The following XYLT1 variants were observed in gnomAD, a reference collection of about 807,000 sequenced individuals.
XYLT1 encodes the protein beta-D-xylosyltransferase 1.
A neutral mutation model predicts 91.3 loss-of-function variants in XYLT1; 36 were observed. That is an observed-to-expected ratio of 0.39 (90% CI 0.30 to 0.52). The LOEUF (loss-of-function observed/expected upper bound fraction) is 0.52, where lower values mean the gene tolerates loss of function less well. Ranked by LOEUF, XYLT1 falls within the 20% of genes least tolerant of loss-of-function variation. The pLI is 0.68. For synonymous variants in XYLT1, 588 were observed against 532.0 expected, an observed-to-expected ratio of 1.11 and a Z score of -1.45; for missense variants, 1,242 against 1,284.5, an observed-to-expected ratio of 0.97 and a Z score of 0.51.
chr16:17,161,160 CA>C (rs2031540832), intron 5 of XYLT1, among the ~76,000 whole-genome samples: 1 of 152,208 alleles, frequency 6.6e-6, no homozygotes, highest in African/African-American at 2.4e-5. Flanking sequence ...AAGCGCCTTT[CA>C]GGGCTGTGAG....
At chr16:17,338,662 C>T (rs2035024163) in intron 2 of XYLT1, 1 of 370,292 alleles carries the variant, frequency 2.7e-6, no homozygotes. Flanking sequence ...CTCTGTTGCC[C>T]AGGCTGGAGT....
chr16:17,313,475 G>A (rs2034581740), intron 2 of XYLT1, among the ~76,000 whole-genome samples: 3 of 152,184 alleles, frequency 2.0e-5, no homozygotes, highest in African/African-American at 4.8e-5. Flanking sequence ...TCCTTGGAAG[G>A]GAATGTTCCC....
intron 3 of XYLT1, among the ~76,000 whole-genome samples, chr16:17,209,682 C>G (rs2032722901): frequency 6.6e-6 from 1 of 152,176 alleles, no homozygotes; most frequent in Admixed American, 6.5e-5. Flanking sequence ...CCTCAGTTTC[C>G]TCATCTGTCA....
At chr16:17,406,320 T>G (rs777557467) in intron 1 of XYLT1, among the ~76,000 whole-genome samples, 1 of 152,232 alleles carries the variant, frequency 6.6e-6, no homozygotes. Flanking sequence ...ACCACCTGCA[T>G]GTAGCTTGTT....
chr16:17,110,749 G>A (rs1248242256), intron 11 of XYLT1, among the ~76,000 whole-genome samples: 3 of 152,102 alleles, frequency 2.0e-5, no homozygotes, highest in African/African-American at 7.2e-5. Flanking sequence ...TGGAGTTAGA[G>A]ACAGATCTGG....
intron 3 of XYLT1, among the ~76,000 whole-genome samples, chr16:17,214,372 T>A (rs1356628503): frequency 6.6e-6 from 1 of 152,210 alleles, no homozygotes; most frequent in Non-Finnish European, 1.5e-5. Context: ...AAAATAGGGA[T>A]ACATATTGAC....
At chr16:17,185,063 C>T (rs987414226) in intron 5 of XYLT1, among the ~76,000 whole-genome samples, 7 of 152,098 alleles carry the variant, frequency 4.6e-5, no homozygotes, top group Admixed American at 2.0e-4. Flanking sequence ...ATGAGATCTC[C>T]GAGAACTCTA....
In XYLT1 at chr16:17,365,601, T is replaced by C. The variant is rs574713668; in HGVS notation, c.364-7551A>G. Among the ~76,000 whole-genome samples the C allele has an allele frequency of 4.5e-4, 69 of 152,274 alleles. 2 individuals are homozygous for C. The South Asian group carries it at 0.013, about 29-fold the overall frequency. On this transcript the variant is annotated intron_variant, in intron 1 of 11. Transcript: ENST00000261381. ...CGTTGGCAGTTAAAACTGGGTGTAT[T>C]GCGCGCTCTCTTTCTCTCTTTTGTA... is the stretch of plus-strand genomic sequence containing the variant.
intron 3 of XYLT1, among the ~76,000 whole-genome samples, chr16:17,205,609 T>C (rs1483183087): frequency 6.6e-6 from 1 of 152,176 alleles, no homozygotes; most frequent in Admixed American, 6.5e-5. Flanking sequence ...GTCATAGCCA[T>C]CATTTCTATG....
chr16:17,430,365 C>T (rs573595650), intron 1 of XYLT1, among the ~76,000 whole-genome samples: 1 of 152,286 alleles, frequency 6.6e-6, no homozygotes, highest in East Asian at 1.9e-4. Flanking sequence ...GTAAGTATAA[C>T]ACAAAATATC....
intron 1 of XYLT1, among the ~76,000 whole-genome samples, chr16:17,450,749 C>CCAGCA (rs1335119358): frequency 2.0e-5 from 3 of 152,170 alleles, no homozygotes; most frequent in Non-Finnish European, 2.9e-5. Context: ...CTAAGACATT[C>CCAGCA]CAGCACAGCA....
At chr16:17,346,358 C>G (rs917365833) in intron 2 of XYLT1, among the ~76,000 whole-genome samples, 1 of 152,088 alleles carries the variant, frequency 6.6e-6, no homozygotes, top group East Asian at 1.9e-4. Flanking sequence ...ACAAACAATA[C>G]CCAGGGGACT....
intron 5 of XYLT1, among the ~76,000 whole-genome samples, chr16:17,162,866 C>T (rs758657652): frequency 6.6e-5 from 10 of 152,226 alleles, no homozygotes; most frequent in Non-Finnish European, 1.5e-4. Flanking sequence ...TGCTTTCCAT[C>T]TTTATCTGCT....
chr16:17,131,414 T>TA (rs1279777665), intron 9 of XYLT1, among the ~76,000 whole-genome samples: 1 of 152,068 alleles, frequency 6.6e-6, no homozygotes, highest in East Asian at 1.9e-4. Context: ...CGATGAGCAC[T>TA]AAAAAAAATT....
intron 5 of XYLT1, among the ~76,000 whole-genome samples, chr16:17,182,239 G>C (rs908542904): frequency 1.3e-5 from 2 of 152,116 alleles, no homozygotes; most frequent in Non-Finnish European, 2.9e-5. Context: ...TAACTGGGTG[G>C]GTTAAACAAT....
chr16:17,268,201 T>C (rs929227362), intron 2 of XYLT1, among the ~76,000 whole-genome samples: 9 of 152,196 alleles, frequency 5.9e-5, no homozygotes, highest in Non-Finnish European at 2.9e-5. Context: ...TATCTTCTAT[T>C]AAGCCAGGTG....
chr16:17,304,326 G>T (rs2034441439), intron 2 of XYLT1, among the ~76,000 whole-genome samples: 1 of 152,156 alleles, frequency 6.6e-6, no homozygotes, highest in African/African-American at 2.4e-5. Flanking sequence ...ACAGGTAAGG[G>T]CAGGTGCAAA....
At chr16:17,432,534 C>T (rs1041932392) in intron 1 of XYLT1, among the ~76,000 whole-genome samples, 6 of 152,030 alleles carry the variant, frequency 3.9e-5, no homozygotes, top group African/African-American at 9.7e-5. Flanking sequence ...AAATGGACTC[C>T]GATTGGCATA....
Position 17,138,259 on chromosome 16 carries a change from G to A in XYLT1, c.1764+96C>T, listed in dbSNP as rs1455386947. On this transcript the variant is annotated intron_variant, in intron 8 of 11. Transcript: ENST00000261381. ...ATCAACAGCCAGGTTTGGGCACCAT[G>A]TGATAAGATGACCTGCAGGTCTGGC... The A allele has an allele frequency of 6.9e-6, 10 of 1,451,916 alleles. No individual in the cohort carries two copies. The Admixed American group carries it at 1.2e-4, about 17-fold the overall frequency. The allele number at this position is 1,451,916 out of a possible 1,614,324, so 89.9% of individuals were successfully genotyped here.
Sources: gnomAD v4.1 joint callset for allele counts (sites outside exome capture counted in the v4.1 genomes callset) on GRCh38, gnomAD v4.1.1 for gene constraint, MANE v1.5 for transcripts, NCBI Gene and HGNC (gene_info 2026-07-23, HGNC 2026-07-21) for gene names.